Variants in FGGY observed in about 807,000 individuals in gnomAD.
FGGY encodes the protein FGGY carbohydrate kinase domain containing.
In FGGY, 72 loss-of-function variants were observed where a neutral mutation model predicts 71.3. The observed-to-expected ratio is 1.01, with a 90% CI of 0.84 to 1.23. FGGY has a LOEUF of 1.23. Among genes scored for constraint, FGGY ranks in the 50% most tolerant of loss-of-function variants. FGGY has a pLI of 0.00. For missense variants in FGGY, 668 were observed against 682.3 expected (o/e 0.98, Z 0.23); for synonymous variants, 251 against 250.3 (o/e 1.00, Z -0.02).
chr1:59,688,378 AC>A (rs1329122023), intron 14 of FGGY, among the ~76,000 whole-genome samples: 1 of 152,152 alleles, frequency 6.6e-6, no homozygotes, highest in Non-Finnish European at 1.5e-5. Context: ...ATGTCCTAGA[AC>A]CTGTTTATGG....
At chr1:59,442,382 T>C (rs181782672) in intron 5 of FGGY, among the ~76,000 whole-genome samples, 21 of 152,350 alleles carry the variant, frequency 1.4e-4, no homozygotes, top group Non-Finnish European at 1.5e-5. Flanking sequence ...CTGAAAGATA[T>C]TGAAAACCTA....
chr1:59,625,375 A>C (rs1157589235), intron 9 of FGGY, among the ~76,000 whole-genome samples: 3 of 152,120 alleles, frequency 2.0e-5, no homozygotes, highest in Non-Finnish European at 4.4e-5. Flanking sequence ...GAGCTCAGAC[A>C]TTTCTGTCCT....
intron 4 of FGGY, among the ~76,000 whole-genome samples, chr1:59,371,975 A>T (rs1202072165): frequency 2.0e-5 from 3 of 152,098 alleles, no homozygotes; most frequent in Non-Finnish European, 2.9e-5. Flanking sequence ...CAAAATTGAC[A>T]CCCTAACATC....
At chr1:59,681,806 G>GCACACACACACACACACACACATGCA (rs10666171) in intron 14 of FGGY, among the ~76,000 whole-genome samples, 1 of 149,930 alleles carries the variant, frequency 6.7e-6, no homozygotes, top group Non-Finnish European at 1.5e-5. Flanking sequence ...ACACACACAT[G>GCACACACACACACACACACACATGCA]CACACACACA....
chr1:59,378,876 C>T, intron 5 of FGGY, 39 bp downstream of exon 5: 1 of 1,524,788 alleles, frequency 6.6e-7, no homozygotes, highest in Non-Finnish European at 9.1e-7. Flanking sequence ...TGCGTTCTTC[C>T]ATTCTTGGAT....
At chr1:59,455,289 A>G (rs956650625) in intron 5 of FGGY, among the ~76,000 whole-genome samples, 2 of 152,198 alleles carry the variant, frequency 1.3e-5, no homozygotes, top group African/African-American at 4.8e-5. Context: ...GGCTTCCTGA[A>G]AAAGGACAAT....
chr1:59,624,002 C>T (rs1473985945), intron 9 of FGGY, among the ~76,000 whole-genome samples: 3 of 152,108 alleles, frequency 2.0e-5, no homozygotes, highest in East Asian at 1.9e-4. Flanking sequence ...CTGTTCCCAG[C>T]GAGTTTATCT....
chr1:59,631,053 TG>T (rs972926815), intron 10 of FGGY, among the ~76,000 whole-genome samples: 3 of 152,194 alleles, frequency 2.0e-5, no homozygotes, highest in African/African-American at 7.2e-5. Context: ...GTCCATAGGA[TG>T]TTTTTTATTC....
chr1:59,403,125 A>G (rs17096905), intron 5 of FGGY, among the ~76,000 whole-genome samples: 4,954 of 152,332 alleles, frequency 0.033, 107 homozygotes, highest in South Asian at 0.074. Flanking sequence ...TGATAGTCAA[A>G]GAGTAAAAGA....
At chr1:59,302,161 T>A (rs541401985) in intron 1 of FGGY, among the ~76,000 whole-genome samples, 2 of 152,314 alleles carry the variant, frequency 1.3e-5, no homozygotes, top group South Asian at 4.1e-4. Context: ...ATCCTTTTTT[T>A]ATATTGCTGA....
chr1:59,590,202 T>C (rs2096402339), intron 8 of FGGY, among the ~76,000 whole-genome samples: 1 of 152,154 alleles, frequency 6.6e-6, no homozygotes, highest in South Asian at 2.1e-4. Flanking sequence ...AATGGATAAA[T>C]TCCTCGACAC....
At chr1:59,644,230 C>A (rs2097066561) in intron 11 of FGGY, among the ~76,000 whole-genome samples, 1 of 152,218 alleles carries the variant, frequency 6.6e-6, no homozygotes, top group Admixed American at 6.5e-5. Flanking sequence ...GCCTTCCACA[C>A]TAGGTGCCTA....
chr1:59,691,562 T>C (rs1428508879), intron 14 of FGGY, among the ~76,000 whole-genome samples: 1 of 152,126 alleles, frequency 6.6e-6, no homozygotes, highest in African/African-American at 2.4e-5. Flanking sequence ...GCAGAGGGGA[T>C]CAGACTGTTC....
At chr1:59,743,282 C>T (rs1016995954) in intron 14 of FGGY, among the ~76,000 whole-genome samples, 1 of 152,162 alleles carries the variant, frequency 6.6e-6, no homozygotes, top group Non-Finnish European at 1.5e-5. Flanking sequence ...CAGCTAGTTC[C>T]ATAAGTTTCC....
At chr1:59,591,076 G>C (rs1354683803) in intron 8 of FGGY, among the ~76,000 whole-genome samples, 6 of 152,136 alleles carry the variant, frequency 3.9e-5, no homozygotes, top group African/African-American at 1.4e-4. Flanking sequence ...AAGCTGATAA[G>C]CAACTTCAGC....
intron 14 of FGGY, among the ~76,000 whole-genome samples, chr1:59,691,486 G>A (rs1023940395): frequency 2.0e-5 from 3 of 152,120 alleles, no homozygotes; most frequent in South Asian, 2.1e-4. Context: ...TGGTGAATTA[G>A]AAATTCTATC....
intron 8 of FGGY, among the ~76,000 whole-genome samples, chr1:59,572,699 A>G (rs975698437): frequency 2.0e-5 from 3 of 152,272 alleles, no homozygotes; most frequent in Non-Finnish European, 4.4e-5. Context: ...TGTTTAGAAG[A>G]TAAAATCAGC....
intron 8 of FGGY, among the ~76,000 whole-genome samples, chr1:59,587,278 G>A (rs80280878): frequency 0.12 from 17,951 of 150,926 alleles, 1,261 homozygotes; most frequent in South Asian, 0.29. Context: ...GCTTAGGTAA[G>A]CAAAGCAGCC....
chr1:59,331,334 G>A (rs2048436320), intron 2 of FGGY, among the ~76,000 whole-genome samples: 1 of 152,176 alleles, frequency 6.6e-6, no homozygotes, highest in Non-Finnish European at 1.5e-5. Flanking sequence ...TTAGGACTGG[G>A]TTTATTTACT....
Sources: gnomAD v4.1 joint callset for allele counts (sites outside exome capture counted in the v4.1 genomes callset) on GRCh38, gnomAD v4.1.1 for gene constraint, MANE v1.5 for transcripts, NCBI Gene and HGNC (gene_info 2026-07-23, HGNC 2026-07-21) for gene names.